The following SYT9 variants were observed in gnomAD, a reference collection of about 807,000 sequenced individuals.
SYT9 encodes the protein synaptotagmin 9.
A neutral mutation model predicts 48.4 loss-of-function variants in SYT9; 22 were observed. That is an observed-to-expected ratio of 0.45 (90% confidence interval 0.32 to 0.65). The LOEUF (loss-of-function observed/expected upper bound fraction) is 0.65, where lower values mean the gene tolerates loss of function less well. SYT9 is among the 30% of genes least tolerant of loss of function. SYT9 has a pLI of 0.03. For synonymous variants in SYT9, 265 were observed against 245.0 expected (o/e 1.08, Z -0.76); for missense variants, 577 against 622.0 (o/e 0.93, Z 0.77).
chr11:7,311,961 C>T (rs563712696), intron 2 of SYT9, among the ~76,000 whole-genome samples: 79 of 141,364 alleles, frequency 5.6e-4, no homozygotes, highest in African/African-American at 1.8e-3. Context: ...TCATAAAATA[C>T]AGAGAAACCT....
chr11:7,291,581 A>G (rs909281158), intron 1 of SYT9, among the ~76,000 whole-genome samples: 3 of 152,160 alleles, frequency 2.0e-5, no homozygotes, highest in South Asian at 2.1e-4. Flanking sequence ...TTCAAGAACT[A>G]TGAGAAGGCT....
intron 6 of SYT9, among the ~76,000 whole-genome samples, chr11:7,422,050 C>T (rs1487562630): frequency 6.6e-6 from 1 of 152,206 alleles, no homozygotes; most frequent in Non-Finnish European, 1.5e-5. Flanking sequence ...GAGCTTTCCT[C>T]TGTTCTCCTG....
chr11:7,293,282 A>T (rs937595350), intron 1 of SYT9, among the ~76,000 whole-genome samples: 9 of 152,170 alleles, frequency 5.9e-5, no homozygotes, highest in Non-Finnish European at 8.8e-5. Context: ...ACAAAAAAAA[A>T]TTGCATTTAA....
intron 3 of SYT9, among the ~76,000 whole-genome samples, chr11:7,338,513 C>T (rs1394048227): frequency 6.6e-6 from 1 of 152,070 alleles, no homozygotes; most frequent in African/African-American, 2.4e-5. Flanking sequence ...CTTAACACTA[C>T]CTTAACTATG....
chr11:7,454,636 A>G (rs1041874060), intron 6 of SYT9, among the ~76,000 whole-genome samples: 1 of 152,240 alleles, frequency 6.6e-6, no homozygotes, highest in Non-Finnish European at 1.5e-5. Context: ...CCTACGGGGA[A>G]CACATTTTAC....
intron 5 of SYT9, among the ~76,000 whole-genome samples, chr11:7,419,013 T>C (rs555848064): frequency 4.6e-5 from 7 of 152,358 alleles, no homozygotes; most frequent in African/African-American, 1.7e-4. Context: ...GAACACTCTT[T>C]CCAGCAGATG....
At chr11:7,459,350 G>A (rs913955695) in intron 6 of SYT9, among the ~76,000 whole-genome samples, 3 of 152,140 alleles carry the variant, frequency 2.0e-5, no homozygotes, top group Non-Finnish European at 4.4e-5. Flanking sequence ...AAAGAGAAGA[G>A]GTCCCAGGAC....
intron 3 of SYT9, among the ~76,000 whole-genome samples, chr11:7,392,580 C>G (rs1846649312): frequency 7.4e-6 from 1 of 135,040 alleles, no homozygotes; most frequent in South Asian, 2.7e-4. Flanking sequence ...GCTATTCAGG[C>G]TGTTTTTTTT....
chr11:7,309,590 G>A (rs778860559), intron 2 of SYT9, among the ~76,000 whole-genome samples: 5 of 152,168 alleles, frequency 3.3e-5, no homozygotes, highest in African/African-American at 1.2e-4. Context: ...TGGGGTGGGG[G>A]AGGCTCAGGT....
intron 1 of SYT9, among the ~76,000 whole-genome samples, chr11:7,291,118 G>T (rs1254738557): frequency 6.6e-6 from 1 of 152,300 alleles, no homozygotes; most frequent in Admixed American, 6.5e-5. Flanking sequence ...TCACTCATCT[G>T]CCACCCTCCA....
At chr11:7,281,199 G>A (rs1385356751) in intron 1 of SYT9, among the ~76,000 whole-genome samples, 1 of 152,208 alleles carries the variant, frequency 6.6e-6, no homozygotes, top group African/African-American at 2.4e-5. Flanking sequence ...CTAAACCAGA[G>A]CATAACAGTA....
At chr11:7,282,909 AAC>A (rs567480393) in intron 1 of SYT9, among the ~76,000 whole-genome samples, 15 of 147,880 alleles carry the variant, frequency 1.0e-4, no homozygotes, top group East Asian at 9.7e-4. Context: ...ACCGTGTTAA[AAC>A]ACACACACAC....
At chr11:7,300,363 G>A (rs573467455) in intron 1 of SYT9, among the ~76,000 whole-genome samples, 31 of 152,326 alleles carry the variant, frequency 2.0e-4, no homozygotes, top group Admixed American at 1.7e-3. Flanking sequence ...GGGAGCACAA[G>A]GGACCTTTGC....
chr11:7,461,771 A>G (rs991263082), intron 6 of SYT9, among the ~76,000 whole-genome samples: 1 of 152,182 alleles, frequency 6.6e-6, no homozygotes, highest in African/African-American at 2.4e-5. Context: ...GAAGTAACAG[A>G]CTCCAAACAT....
At chr11:7,284,477 T>C (rs1848561065) in intron 1 of SYT9, among the ~76,000 whole-genome samples, 1 of 152,160 alleles carries the variant, frequency 6.6e-6, no homozygotes, top group African/African-American at 2.4e-5. Flanking sequence ...TATTAAATAG[T>C]GATTTGGCTA....
chr11:7,426,433 T>G (rs1847459491), intron 6 of SYT9, among the ~76,000 whole-genome samples: 1 of 152,164 alleles, frequency 6.6e-6, no homozygotes, highest in African/African-American at 2.4e-5. Context: ...TTGCAGCCCT[T>G]AATACAGAGT....
chr11:7,423,789 C>T lies in SYT9; in HGVS notation c.1467+3154C>T, dbSNP rs77158152. Among the ~76,000 whole-genome samples the T allele has an allele frequency of 6.3e-3, 965 of 152,268 alleles. 11 individuals carry two copies. The highest frequency in any genetic ancestry group is 0.022 in the African/African-American group (912 of 41,540). On this transcript the variant is annotated intron_variant, in intron 6 of 6. Transcript: ENST00000318881. ...TCATCTCAGAGTGGGGGGAAGGGGT[C>T]ATCCAGTACTTGGCTAAACACAGAT...
intron 1 of SYT9, among the ~76,000 whole-genome samples, chr11:7,289,661 A>G (rs190066566): frequency 5.3e-5 from 8 of 152,320 alleles, no homozygotes; most frequent in Admixed American, 1.3e-4. Context: ...TGAGGAGAAC[A>G]TTTTTGAAAA....
intron 6 of SYT9, among the ~76,000 whole-genome samples, chr11:7,454,822 G>T (rs11604388): frequency 0.047 from 7,192 of 152,212 alleles, 247 homozygotes; most frequent in African/African-American, 0.095. Flanking sequence ...TGAAGCTAAA[G>T]TCAGCTCAAA....
Sources: gnomAD v4.1 joint callset for allele counts (sites outside exome capture counted in the v4.1 genomes callset) on GRCh38, gnomAD v4.1.1 for gene constraint, MANE v1.5 for transcripts, NCBI Gene and HGNC (gene_info 2026-07-23, HGNC 2026-07-21) for gene names.